Variants in GALNT17 observed in about 807,000 individuals in gnomAD.
GALNT17 encodes the protein polypeptide N-acetylgalactosaminyltransferase 17, also known as UDP-GalNAc:polypeptide N-acetylgalactosaminyltransferase-like 3.
GALNT17 carries 29 observed loss-of-function variants against 63.7 expected under a neutral mutation model. The ratio of observed to expected loss-of-function variants is 0.46; its 90% CI spans 0.34 to 0.62. The LOEUF (loss-of-function observed/expected upper bound fraction) is 0.62. Among genes scored for constraint, GALNT17 ranks in the 20% least tolerant of loss-of-function variants. The probability of loss-of-function intolerance (pLI) is 0.01; values close to 1 mark genes in which losing one functional copy is unlikely to be tolerated. For synonymous variants in GALNT17, 305 were observed against 318.3 expected (o/e 0.96, Z 0.45); for missense variants, 603 against 799.6 (o/e 0.75, Z 2.97).
At chr7:71,517,533 A>G (rs1358891579) in intron 5 of GALNT17, among the ~76,000 whole-genome samples, 1 of 152,204 alleles carries the variant, frequency 6.6e-6, no homozygotes, top group East Asian at 1.9e-4. Flanking sequence ...TATAGGAATG[A>G]CAGAACTTTG....
At chr7:71,653,542 A>G (rs1790783227) in intron 6 of GALNT17, among the ~76,000 whole-genome samples, 1 of 151,628 alleles carries the variant, frequency 6.6e-6, no homozygotes, top group African/African-American at 2.4e-5. Context: ...AGTAGCTGGG[A>G]CTATAGGCAT....
intron 2 of GALNT17, among the ~76,000 whole-genome samples, chr7:71,339,492 G>C (rs1791970831): frequency 6.6e-6 from 1 of 152,268 alleles, no homozygotes; most frequent in South Asian, 2.1e-4. Flanking sequence ...TTCGAGACTA[G>C]CCTGGCCAAC....
chr7:71,357,183 A>G (rs796321802), intron 2 of GALNT17, among the ~76,000 whole-genome samples: 15 of 152,254 alleles, frequency 9.9e-5, no homozygotes, highest in African/African-American at 3.6e-4. Context: ...CCCACAGGCC[A>G]TGGACTGGTA....
chr7:71,614,925 C>CA (rs1295772922), intron 6 of GALNT17, among the ~76,000 whole-genome samples: 339 of 150,360 alleles, frequency 2.3e-3, no homozygotes, highest in Non-Finnish European at 3.8e-3. Context: ...GGGAAATAAG[C>CA]AAAAAAAACC....
Position 71,579,843 on chromosome 7 carries a change from CAAAT to C in GALNT17, c.1080+8443_1080+8446del, listed in dbSNP as rs1193435456. Among the ~76,000 whole-genome samples the C allele has an allele frequency of 6.6e-5, 10 of 151,266 alleles. No individual in the cohort carries two copies. The East Asian group carries it at 1.4e-3, about 21-fold the overall frequency. ...ATTTTAGATAGGTAGGTTAGGTAGA[CAAAT>C]AGATAGGTAGGTAGGAAGAAAGAGA... is the stretch of plus-strand genomic sequence containing the variant. On this transcript the variant is annotated intron_variant, in intron 6 of 10. Coordinates refer to ENST00000333538, the MANE Select transcript of GALNT17 (RefSeq NM_022479.3).
At chr7:71,380,348 AT>A (rs1194645256) in intron 2 of GALNT17, among the ~76,000 whole-genome samples, 1 of 152,012 alleles carries the variant, frequency 6.6e-6, no homozygotes, top group Non-Finnish European at 1.5e-5. Flanking sequence ...TATTATTATT[AT>A]TTTTGAAACA....
At chr7:71,405,326 T>G (rs1029450712) in intron 3 of GALNT17, among the ~76,000 whole-genome samples, 2 of 152,154 alleles carry the variant, frequency 1.3e-5, no homozygotes, top group Non-Finnish European at 2.9e-5. Flanking sequence ...ATTTGGGGAC[T>G]GCTATAAGAA....
chr7:71,308,944 A>G (rs539865848), intron 1 of GALNT17, among the ~76,000 whole-genome samples: 50 of 152,076 alleles, frequency 3.3e-4, no homozygotes, highest in Non-Finnish European at 6.6e-4. Context: ...GGGTTTCACC[A>G]TGTTGGCCAT....
intron 5 of GALNT17, among the ~76,000 whole-genome samples, chr7:71,465,286 A>G (rs1053677698): frequency 6.6e-6 from 1 of 152,180 alleles, no homozygotes; most frequent in South Asian, 2.1e-4. Context: ...AAAGTTAAAT[A>G]TAAACTAAAT....
At chr7:71,701,785 A>T (rs372809483) in intron 9 of GALNT17, among the ~76,000 whole-genome samples, 3 of 22,558 alleles carry the variant, frequency 1.3e-4, no homozygotes, top group Non-Finnish European at 2.6e-4. Flanking sequence ...GTGTGTGTGT[A>T]TATATATGTG....
At chr7:71,586,962 A>G (rs1789727606) in intron 6 of GALNT17, among the ~76,000 whole-genome samples, 1 of 152,028 alleles carries the variant, frequency 6.6e-6, no homozygotes, top group Non-Finnish European at 1.5e-5. Context: ...TATTTCTTCT[A>G]TCCAACTGTA....
At chr7:71,422,556 A>G (rs925989597) in intron 5 of GALNT17, among the ~76,000 whole-genome samples, 4 of 152,216 alleles carry the variant, frequency 2.6e-5, no homozygotes, top group Non-Finnish European at 4.4e-5. Flanking sequence ...TTGCTTCTTC[A>G]GTGCCCCACT....
At chr7:71,139,760 T>C (rs1054770205) in intron 1 of GALNT17, among the ~76,000 whole-genome samples, 1 of 151,788 alleles carries the variant, frequency 6.6e-6, no homozygotes, top group Non-Finnish European at 1.5e-5. Flanking sequence ...TGGGAGGCCG[T>C]GGTGGGCAGA....
intron 1 of GALNT17, among the ~76,000 whole-genome samples, chr7:71,267,023 T>C (rs1790502928): frequency 2.6e-5 from 4 of 152,222 alleles, no homozygotes. Flanking sequence ...TGGCATACTT[T>C]TCTTGGTCTT....
intron 1 of GALNT17, among the ~76,000 whole-genome samples, chr7:71,321,921 TCCCCTC>T (rs1791620484): frequency 3.1e-5 from 1 of 32,240 alleles, no homozygotes. Flanking sequence ...CTTCCTTCCT[TCCCCTC>T]CCTCCCTCCC....
chr7:71,336,072 G>A (rs1461005632), intron 2 of GALNT17, among the ~76,000 whole-genome samples: 1 of 113,008 alleles, frequency 8.8e-6, no homozygotes, highest in Non-Finnish European at 1.7e-5. Context: ...GAGACAGAGT[G>A]TCGCTCTTGT....
intron 1 of GALNT17, among the ~76,000 whole-genome samples, chr7:71,233,601 A>C (rs987530918): frequency 6.6e-6 from 1 of 152,180 alleles, no homozygotes; most frequent in Non-Finnish European, 1.5e-5. Context: ...GGGAGCCTAT[A>C]TTCAGGACAA....
intron 9 of GALNT17, among the ~76,000 whole-genome samples, chr7:71,688,224 A>C (rs188645150): frequency 1.3e-5 from 2 of 152,320 alleles, no homozygotes; most frequent in African/African-American, 4.8e-5. Flanking sequence ...ACCTCGTTGC[A>C]TGCAGATAGT....
chr7:71,217,644 G>C (rs1789509676), intron 1 of GALNT17, among the ~76,000 whole-genome samples: 1 of 151,960 alleles, frequency 6.6e-6, no homozygotes, highest in East Asian at 1.9e-4. Flanking sequence ...AAAAAATTCA[G>C]GCTGGGCATG....
Sources: allele counts gnomAD v4.1 joint callset (sites outside exome capture counted in the v4.1 genomes callset), GRCh38; gene constraint gnomAD v4.1.1; transcripts MANE v1.5; gene names NCBI Gene and HGNC (gene_info 2026-07-23, HGNC 2026-07-21).